The following SETBP1 variants were observed in gnomAD, a reference collection of about 807,000 sequenced individuals.
SETBP1 encodes the protein SET-binding protein.
A neutral mutation model predicts 101.0 loss-of-function variants in SETBP1; 9 were observed. The ratio of observed to expected loss-of-function variants is 0.09; its 90% CI spans 0.05 to 0.16. The LOEUF (loss-of-function observed/expected upper bound fraction) is 0.16. Ranked by LOEUF, SETBP1 falls within the 10% of genes least tolerant of loss-of-function variation. The pLI, the probability that SETBP1 is intolerant of heterozygous loss-of-function variation, is 1.00. For synonymous variants in SETBP1, 818 were observed against 788.5 expected (o/e 1.04, Z -0.63); for missense variants, 1,858 against 2,033.8 (o/e 0.91, Z 1.66).
At chr18:45,016,720 C>T (rs980715360) in intron 4 of SETBP1, among the ~76,000 whole-genome samples, 2 of 148,760 alleles carry the variant, frequency 1.3e-5, no homozygotes, top group African/African-American at 5.0e-5. Context: ...AGATTATACA[C>T]ATTGGTGCGC....
intron 3 of SETBP1, among the ~76,000 whole-genome samples, chr18:44,942,172 A>G (rs533469473): frequency 6.6e-6 from 1 of 152,272 alleles, no homozygotes; most frequent in East Asian, 1.9e-4. Context: ...CTAGAGCTGG[A>G]ATAATTCTGC....
At chr18:44,842,371 A>T (rs987515054) in intron 2 of SETBP1, among the ~76,000 whole-genome samples, 1 of 152,196 alleles carries the variant, frequency 6.6e-6, no homozygotes, top group African/African-American at 2.4e-5. Context: ...TTTTAAAAGC[A>T]TTGTTAAATC....
At chr18:44,736,658 T>C (rs1487886591) in intron 2 of SETBP1, among the ~76,000 whole-genome samples, 2 of 152,214 alleles carry the variant, frequency 1.3e-5, no homozygotes, top group Non-Finnish European at 2.9e-5. Context: ...TTATATACAA[T>C]ATGATGTTGT....
At chr18:44,909,357 A>G (rs2070249353) in intron 3 of SETBP1, among the ~76,000 whole-genome samples, 1 of 152,176 alleles carries the variant, frequency 6.6e-6, no homozygotes, top group African/African-American at 2.4e-5. Context: ...GAATCCAGTA[A>G]TCCAGTTTGT....
chr18:44,962,711 A>G (rs578235089), intron 4 of SETBP1, among the ~76,000 whole-genome samples: 1 of 152,324 alleles, frequency 6.6e-6, no homozygotes, highest in South Asian at 2.1e-4. Context: ...GTCCTGTTAC[A>G]GAGAGATTCA....
intron 4 of SETBP1, among the ~76,000 whole-genome samples, chr18:44,979,327 C>G (rs898494747): frequency 4.6e-5 from 7 of 152,224 alleles, no homozygotes; most frequent in African/African-American, 1.7e-4. Context: ...TCATATTTGC[C>G]TGGCCCTTTG....
At chr18:44,739,991 G>A (rs1157115093) in intron 2 of SETBP1, among the ~76,000 whole-genome samples, 1 of 152,188 alleles carries the variant, frequency 6.6e-6, no homozygotes, top group Non-Finnish European at 1.5e-5. Context: ...AATGCCAGAG[G>A]ATGAGATCGT....
At chr18:44,818,188 G>C (rs1181251878) in intron 2 of SETBP1, among the ~76,000 whole-genome samples, 2 of 152,176 alleles carry the variant, frequency 1.3e-5, no homozygotes, top group Admixed American at 1.3e-4. Flanking sequence ...CTGTTAGTCT[G>C]TGCTGCCTTT....
At chr18:44,694,797 G>A (rs151146390) in intron 1 of SETBP1, among the ~76,000 whole-genome samples, 1 of 152,290 alleles carries the variant, frequency 6.6e-6, no homozygotes, top group East Asian at 1.9e-4. Context: ...TGAGGTGGAA[G>A]AAACACTTAA....
intron 4 of SETBP1, among the ~76,000 whole-genome samples, chr18:45,034,149 G>T (rs1165345742): frequency 6.6e-6 from 1 of 152,114 alleles, no homozygotes; most frequent in African/African-American, 2.4e-5. Context: ...GAGCAACCTG[G>T]GGAAGAGGTA....
intron 2 of SETBP1, among the ~76,000 whole-genome samples, chr18:44,807,284 G>A (rs1361240354): frequency 6.6e-6 from 1 of 151,766 alleles, no homozygotes; most frequent in Non-Finnish European, 1.5e-5. Flanking sequence ...TACGGCCACT[G>A]ATTTCATTTT....
intron 3 of SETBP1, among the ~76,000 whole-genome samples, chr18:44,916,445 CT>C (rs1006168884): frequency 2.0e-5 from 3 of 152,122 alleles, no homozygotes; most frequent in Admixed American, 6.5e-5. Flanking sequence ...TCTGTCTTTC[CT>C]TTTTTTCTTT....
At chr18:45,029,150 A>G (rs1160145002) in intron 4 of SETBP1, among the ~76,000 whole-genome samples, 1 of 152,218 alleles carries the variant, frequency 6.6e-6, no homozygotes, top group Non-Finnish European at 1.5e-5. Context: ...TTTAGGTCTA[A>G]CATGTAAGTC....
intron 2 of SETBP1, among the ~76,000 whole-genome samples, chr18:44,799,108 T>C (rs184575979): frequency 1.5e-3 from 230 of 152,344 alleles, no homozygotes; most frequent in African/African-American, 4.6e-3. Flanking sequence ...CTTTTATGTG[T>C]TGGAGAAGTA....
At chr18:44,847,415 G>C (rs928650013) in intron 2 of SETBP1, among the ~76,000 whole-genome samples, 1 of 152,200 alleles carries the variant, frequency 6.6e-6, no homozygotes, top group Non-Finnish European at 1.5e-5. Flanking sequence ...TCCAGGGTCA[G>C]CTCTTGGTCA....
chr18:44,788,337 A>G (rs1854882012), intron 2 of SETBP1, among the ~76,000 whole-genome samples: 1 of 152,176 alleles, frequency 6.6e-6, no homozygotes, highest in South Asian at 2.1e-4. Context: ...AGGAGACAGG[A>G]TATCACTTCT....
chr18:44,878,066 A>T (rs2069449766), intron 3 of SETBP1, among the ~76,000 whole-genome samples: 1 of 152,000 alleles, frequency 6.6e-6, no homozygotes, highest in Non-Finnish European at 1.5e-5. Context: ...TATGCAGAAA[A>T]TTTTTTCCAC....
In SETBP1 at chr18:44,953,140, G is replaced by A; in HGVS notation, c.3800G>A (p.Gly1267Asp). ...TGCACGAAAAGATACTCTGGCAGTG[G>A]CGGGGATGGTGGCAGCACGAGATCA... The part of the protein sequence containing the change: ...DSCTKRYSGS[G>D]GDGGSTRSEN... Residue 1267 changes from glycine to aspartate, a missense_variant, in exon 4 of 6, where the codon GGC becomes GAC. This residue lies in a region of SETBP1 where 417 missense variants were observed against 389.1 expected (regional missense o/e 1.07). Coordinates refer to ENST00000649279, the MANE Select transcript of SETBP1 (RefSeq NM_015559.3). The A allele has an allele frequency of 6.2e-7, 1 of 1,614,138 alleles. No individual in the cohort carries two copies. Among genetic ancestry groups the A allele is most frequent in the Non-Finnish European group, 8.5e-7 (1 of 1,180,034 alleles).
chr18:44,786,306 C>T (rs2071237769), intron 2 of SETBP1, among the ~76,000 whole-genome samples: 2 of 152,188 alleles, frequency 1.3e-5, no homozygotes, highest in Admixed American at 6.5e-5. Flanking sequence ...AGAAGACACA[C>T]ACACCCCAGG....
Sources: allele counts gnomAD v4.1 joint callset (sites outside exome capture counted in the v4.1 genomes callset), GRCh38; gene constraint gnomAD v4.1.1; regional missense constraint gnomAD v4.1.1; transcripts MANE v1.5; gene names NCBI Gene and HGNC (gene_info 2026-07-23, HGNC 2026-07-21).